Variants in CLEC16A observed in about 807,000 individuals in gnomAD.
CLEC16A encodes protein CLEC16A.
In CLEC16A, 51 loss-of-function variants were observed where a neutral mutation model predicts 109.5. The ratio of observed to expected loss-of-function variants is 0.47; its 90% CI spans 0.37 to 0.59. The LOEUF (loss-of-function observed/expected upper bound fraction) is 0.59. Among genes scored for constraint, CLEC16A ranks in the 20% least tolerant of loss-of-function variants. The probability of loss-of-function intolerance (pLI) is 0.00; values close to 1 mark genes in which losing one functional copy is unlikely to be tolerated. For synonymous variants in CLEC16A, 673 were observed against 564.2 expected (o/e 1.19, Z -2.73); for missense variants, 1,339 against 1,394.0 (o/e 0.96, Z 0.63).
intron 22 of CLEC16A, among the ~76,000 whole-genome samples, chr16:11,161,317 A>G (rs943915561): frequency 2.0e-5 from 3 of 152,150 alleles, no homozygotes; most frequent in Admixed American, 6.5e-5. Context: ...AGAATAGTTA[A>G]CCCTACCTTA....
intron 3 of CLEC16A, among the ~76,000 whole-genome samples, chr16:10,963,429 C>A (rs543338564): frequency 2.0e-5 from 3 of 152,326 alleles, no homozygotes; most frequent in African/African-American, 4.8e-5. Context: ...TTCCCCTCTG[C>A]TGATGATGCT....
intron 19 of CLEC16A, among the ~76,000 whole-genome samples, chr16:11,068,257 G>A (rs1036395707): frequency 6.6e-6 from 1 of 152,240 alleles, no homozygotes; most frequent in East Asian, 1.9e-4. Context: ...GGATATAGAG[G>A]TTGCAAACAG....
chr16:11,065,440 A>G (rs578091807), intron 19 of CLEC16A, among the ~76,000 whole-genome samples: 1 of 152,348 alleles, frequency 6.6e-6, no homozygotes, highest in African/African-American at 2.4e-5. Flanking sequence ...AGCCCATTCA[A>G]TGAAGACCCA....
At chr16:11,075,333 T>C (rs1471999730) in intron 19 of CLEC16A, among the ~76,000 whole-genome samples, 1 of 151,808 alleles carries the variant, frequency 6.6e-6, no homozygotes, top group African/African-American at 2.4e-5. Flanking sequence ...GCAGGGGTCC[T>C]GCTGGCGGTT....
chr16:11,027,188 C>T (rs1184942621), intron 13 of CLEC16A: 4 of 1,375,036 alleles, frequency 2.9e-6, no homozygotes, highest in Non-Finnish European at 4.1e-6. Context: ...TGGAATCATT[C>T]CTACATGATT....
chr16:11,097,682 A>C (rs961732926), intron 19 of CLEC16A, among the ~76,000 whole-genome samples: 3 of 152,184 alleles, frequency 2.0e-5, no homozygotes, highest in Non-Finnish European at 4.4e-5. Context: ...TGTGTGTGAA[A>C]AATCCAGCAG....
intron 22 of CLEC16A, among the ~76,000 whole-genome samples, chr16:11,129,201 T>A (rs2053030160): frequency 6.6e-6 from 1 of 152,246 alleles, no homozygotes; most frequent in Non-Finnish European, 1.5e-5. Context: ...CTTAAAGAGC[T>A]TTCATTTAGA....
chr16:11,038,589 GTTC>G (rs1182389624), intron 13 of CLEC16A, among the ~76,000 whole-genome samples: 3 of 152,026 alleles, frequency 2.0e-5, no homozygotes, highest in Non-Finnish European at 2.9e-5. Context: ...ACACTTGCCT[GTTC>G]TTCTTTCCTT....
intron 3 of CLEC16A, among the ~76,000 whole-genome samples, chr16:10,965,199 C>T (rs563331872): frequency 7.4e-4 from 112 of 152,304 alleles, no homozygotes; most frequent in Non-Finnish European, 1.3e-3. Context: ...CAGGCAGATG[C>T]CCCTGGCTTT....
At chr16:10,997,713 C>A (rs2044414972) in intron 10 of CLEC16A, among the ~76,000 whole-genome samples, 1 of 152,200 alleles carries the variant, frequency 6.6e-6, no homozygotes, top group Non-Finnish European at 1.5e-5. Context: ...GGTCCTCCAA[C>A]CTCAGTATCT....
At chr16:11,012,316 C>T (rs2045470209) in intron 11 of CLEC16A, among the ~76,000 whole-genome samples, 1 of 152,140 alleles carries the variant, frequency 6.6e-6, no homozygotes, top group Non-Finnish European at 1.5e-5. Flanking sequence ...GATTTATGGG[C>T]CGGGCACGGT....
intron 2 of CLEC16A, among the ~76,000 whole-genome samples, chr16:10,958,403 G>A (rs577678920): frequency 3.9e-5 from 6 of 152,204 alleles, no homozygotes; most frequent in Admixed American, 6.5e-5. Context: ...GCTGGTAAGC[G>A]GTGGAAAAGT....
At position 11,124,953 on chromosome 16, in the gene CLEC16A, G is replaced by A. The variant is rs557537336; in HGVS notation, c.2473+1007G>A. On this transcript the variant is annotated intron_variant, in intron 21 of 23. Coordinates refer to ENST00000409790, the MANE Select transcript of CLEC16A (RefSeq NM_015226.3). ...AAATTACAAAAATGAGCCAGGCGTG[G>A]TGGCATACGCCTGTAGTCCCAGCTA... Among the ~76,000 whole-genome samples the A allele has an allele frequency of 5.1e-4, 78 of 152,274 alleles. 1 individual carries two copies. Among genetic ancestry groups the A allele is most frequent in the South Asian group, 2.1e-3 (10 of 4,812 alleles).
At chr16:10,975,423 A>G (rs949797409) in intron 7 of CLEC16A, among the ~76,000 whole-genome samples, 6 of 152,200 alleles carry the variant, frequency 3.9e-5, no homozygotes, top group African/African-American at 1.4e-4. Context: ...TTTTAAACCT[A>G]GCTGCATATA....
chr16:11,075,406 G>GTC (rs2049304302), intron 19 of CLEC16A, among the ~76,000 whole-genome samples: 2 of 135,068 alleles, frequency 1.5e-5, no homozygotes, highest in Admixed American at 1.5e-4. Flanking sequence ...GTGTGTGTGT[G>GTC]TGTGTCTGTG....
At chr16:11,155,751 C>T (rs1360662080) in intron 22 of CLEC16A, among the ~76,000 whole-genome samples, 1 of 152,204 alleles carries the variant, frequency 6.6e-6, no homozygotes, top group East Asian at 1.9e-4. Flanking sequence ...GTAGGAGAGA[C>T]TTTGGTGAGG....
At chr16:11,169,846 G>A (rs1482225408) in intron 23 of CLEC16A, among the ~76,000 whole-genome samples, 1 of 152,206 alleles carries the variant, frequency 6.6e-6, no homozygotes, top group African/African-American at 2.4e-5. Context: ...CCTGCTGTGT[G>A]GCGTCCCAGT....
intron 22 of CLEC16A, among the ~76,000 whole-genome samples, chr16:11,135,841 C>T (rs1407967166): frequency 3.9e-5 from 6 of 152,248 alleles, no homozygotes; most frequent in African/African-American, 1.2e-4. Context: ...CCACACACCC[C>T]GTGTGCTCAC....
chr16:10,959,101 A>G (rs115918249), intron 2 of CLEC16A, among the ~76,000 whole-genome samples: 1 of 152,016 alleles, frequency 6.6e-6, no homozygotes, highest in Non-Finnish European at 1.5e-5. Flanking sequence ...TTTGAAAAGT[A>G]AAAGTGTTCT....
Sources: gnomAD v4.1 joint callset for allele counts (sites outside exome capture counted in the v4.1 genomes callset) on GRCh38, gnomAD v4.1.1 for gene constraint, MANE v1.5 for transcripts, NCBI Gene and HGNC (gene_info 2026-07-23, HGNC 2026-07-21) for gene names.